MMP26: variants seen among roughly 807,000 people sequenced by gnomAD.
MMP26 encodes matrix metallopeptidase 26, also known as matrix metalloproteinase-26.
A neutral mutation model predicts 31.0 loss-of-function variants in MMP26; 33 were observed. The ratio of observed to expected loss-of-function variants is 1.06; its 90% CI spans 0.81 to 1.42. The LOEUF (loss-of-function observed/expected upper bound fraction) is 1.42. Ranked by LOEUF, MMP26 falls within the 40% of genes most tolerant of loss-of-function variation. The probability of loss-of-function intolerance (pLI) is 0.00; values close to 1 mark genes in which losing one functional copy is unlikely to be tolerated. For synonymous variants in MMP26, 122 were observed against 114.9 expected (o/e 1.06, Z -0.40); for missense variants, 347 against 316.1 (o/e 1.10, Z -0.74).
intron 2 of MMP26, among the ~76,000 whole-genome samples, chr11:4,925,574 G>A (rs920648548): frequency 6.6e-5 from 10 of 152,056 alleles, no homozygotes; most frequent in South Asian, 2.1e-4. Context: ...GGTATGCACC[G>A]TGGGTATGGA....
intron 2 of MMP26, among the ~76,000 whole-genome samples, chr11:4,970,954 C>A (rs1812364403): frequency 6.6e-6 from 1 of 152,122 alleles, no homozygotes; most frequent in South Asian, 2.1e-4. Context: ...GTGAATAGAC[C>A]TGGTGGAGCA....
chr11:4,705,699 G>T (rs777273760), intron 1 of MMP26, among the ~76,000 whole-genome samples: 11 of 152,134 alleles, frequency 7.2e-5, no homozygotes, highest in Non-Finnish European at 1.6e-4. Flanking sequence ...TTTTTAAAAA[G>T]CTATTATTGG....
chr11:4,738,288 A>G (rs1848268057), intron 1 of MMP26, among the ~76,000 whole-genome samples: 1 of 152,140 alleles, frequency 6.6e-6, no homozygotes, highest in Non-Finnish European at 1.5e-5. Flanking sequence ...AAGACAGGAG[A>G]GCCGGGCAGT....
At chr11:4,987,002 G>A (rs1479728905) in intron 2 of MMP26, among the ~76,000 whole-genome samples, 3 of 110,132 alleles carry the variant, frequency 2.7e-5, no homozygotes, top group African/African-American at 3.6e-5. Flanking sequence ...ATGGAGTTTC[G>A]CTCTTGTTGC....
intron 1 of MMP26, among the ~76,000 whole-genome samples, chr11:4,735,187 G>A (rs192558918): frequency 1.3e-5 from 2 of 152,200 alleles, no homozygotes; most frequent in Non-Finnish European, 2.9e-5. Flanking sequence ...GCTGGCTTTA[G>A]TTCAAGCACC....
chr11:4,716,748 A>G (rs1253456344), intron 1 of MMP26, among the ~76,000 whole-genome samples: 2 of 129,566 alleles, frequency 1.5e-5, no homozygotes, highest in Non-Finnish European at 3.1e-5. Context: ...TGCAACCTCC[A>G]CTTCCCAGGT....
chr11:4,985,277 T>C (rs559864078), intron 2 of MMP26, among the ~76,000 whole-genome samples: 1 of 152,298 alleles, frequency 6.6e-6, no homozygotes, highest in East Asian at 1.9e-4. Flanking sequence ...GAGAATATAA[T>C]AAGGTCTATA....
intron 2 of MMP26, among the ~76,000 whole-genome samples, chr11:4,974,076 C>A (rs1265079788): frequency 2.0e-5 from 3 of 151,608 alleles, no homozygotes; most frequent in Non-Finnish European, 2.9e-5. Context: ...AAACAAAAAA[C>A]CGAGAAAAAA....
chr11:4,946,402 C>T (rs1343471495), intron 2 of MMP26: 3 of 1,613,222 alleles, frequency 1.9e-6, no homozygotes, highest in Non-Finnish European at 1.7e-6. Flanking sequence ...TAAGCTGCTC[C>T]TTTTTGGATG....
intron 2 of MMP26, chr11:4,913,273 C>T (rs11034615): frequency 0.25 from 38,524 of 152,026 alleles, 6,453 homozygotes; most frequent in South Asian, 0.38. Context: ...CAGGCATATC[C>T]AATGTTAAAT....
chr11:4,820,001 C>A (rs1849473694), intron 2 of MMP26, among the ~76,000 whole-genome samples: 1 of 152,056 alleles, frequency 6.6e-6, no homozygotes, highest in Non-Finnish European at 1.5e-5. Flanking sequence ...TCCAGAGAAG[C>A]CTAAAGAGCT....
Position 4,793,400 on chromosome 11 carries a change from A to T in MMP26, c.-145+26059A>T, listed in dbSNP as rs563340841. Among the ~76,000 whole-genome samples the T allele has an allele frequency of 2.0e-5, 3 of 152,314 alleles. No individual in the cohort carries two copies. In the East Asian group the frequency reaches 5.8e-4, roughly 29 times the overall value. Reference sequence around the variant, plus strand: ...TAAAAAACGAGAGACTTATAAATAAATTAATAATTCAATGAATTTTGCTTG... The same window carrying T: ...TAAAAAACGAGAGACTTATAAATAATTTAATAATTCAATGAATTTTGCTTG... On this transcript the variant is annotated intron_variant, in intron 2 of 7. Transcript: ENST00000380390.
intron 2 of MMP26, among the ~76,000 whole-genome samples, chr11:4,826,752 C>A (rs1367273449): frequency 6.6e-6 from 1 of 152,040 alleles, no homozygotes; most frequent in Non-Finnish European, 1.5e-5. Context: ...CATCACAGAG[C>A]AGGTAAAAAG....
chr11:4,946,257 G>A, intron 2 of MMP26: 6 of 1,614,014 alleles, frequency 3.7e-6, no homozygotes, highest in Non-Finnish European at 5.1e-6. Flanking sequence ...GGTACAAGTA[G>A]GAGAACATTT....
intron 2 of MMP26, among the ~76,000 whole-genome samples, chr11:4,938,855 A>C (rs554592885): frequency 4.4e-4 from 67 of 152,122 alleles, no homozygotes; most frequent in African/African-American, 1.6e-3. Context: ...AAATAAAAAA[A>C]CCTTTAGAAA....
At chr11:4,750,721 T>A (rs1379424272) in intron 1 of MMP26, among the ~76,000 whole-genome samples, 2 of 152,002 alleles carry the variant, frequency 1.3e-5, no homozygotes. Flanking sequence ...ATAAATAATG[T>A]GCACATATGG....
intron 2 of MMP26, among the ~76,000 whole-genome samples, chr11:4,872,422 A>T (rs1210870572): frequency 6.6e-6 from 1 of 152,136 alleles, no homozygotes. Flanking sequence ...TGTGGGAATT[A>T]AGGGGCAAGG....
chr11:4,869,551 G>T (rs189545782), intron 2 of MMP26, among the ~76,000 whole-genome samples: 2,556 of 152,132 alleles, frequency 0.017, 64 homozygotes, highest in African/African-American at 0.057. Flanking sequence ...TGGCGATCAT[G>T]AAAAAGTCAG....
chr11:4,786,197 G>T (rs1471300060), intron 2 of MMP26, among the ~76,000 whole-genome samples: 1 of 152,128 alleles, frequency 6.6e-6, no homozygotes, highest in East Asian at 1.9e-4. Context: ...GGGAAGAGGA[G>T]AGCTGAGACT....
Sources: gnomAD v4.1 joint callset for allele counts (sites outside exome capture counted in the v4.1 genomes callset) on GRCh38, gnomAD v4.1.1 for gene constraint, MANE v1.5 for transcripts, NCBI Gene and HGNC (gene_info 2026-07-23, HGNC 2026-07-21) for gene names.